The following CDC14A variants were observed in gnomAD, a reference collection of about 807,000 sequenced individuals.
CDC14A encodes the protein cell division cycle 14A.
Under a neutral mutation model 74.4 loss-of-function variants are expected in CDC14A, and 53 were observed. That is an observed-to-expected ratio of 0.71 (90% CI 0.57 to 0.89). CDC14A has a LOEUF of 0.89. Ranked by LOEUF, CDC14A falls within the 40% of genes least tolerant of loss-of-function variation. The probability of loss-of-function intolerance (pLI) is 0.00; values close to 1 mark genes in which losing one functional copy is unlikely to be tolerated. For synonymous variants in CDC14A, 247 were observed against 258.4 expected (o/e 0.96, Z 0.43); for missense variants, 646 against 713.7 (o/e 0.91, Z 1.08).
intron 5 of CDC14A, 60 bp downstream of exon 5, chr1:100,424,361 T>G (rs1662706838): frequency 1.8e-6 from 2 of 1,139,106 alleles, no homozygotes; most frequent in Non-Finnish European, 2.7e-6. Context: ...ACTTTAGAGT[T>G]GGGTTGTAGT....
At chr1:100,481,943 T>C (rs1247829997) in intron 10 of CDC14A, among the ~76,000 whole-genome samples, 4 of 152,242 alleles carry the variant, frequency 2.6e-5, no homozygotes, top group Non-Finnish European at 5.9e-5. Context: ...ATGGTTTGCA[T>C]TTTCAATAAA....
At chr1:100,468,848 C>G (rs1225687866) in intron 10 of CDC14A, among the ~76,000 whole-genome samples, 3 of 152,092 alleles carry the variant, frequency 2.0e-5, no homozygotes, top group Non-Finnish European at 4.4e-5. Context: ...AAAATACTAT[C>G]TATTAGTGAT....
At chr1:100,432,395 T>C (rs150605823) in intron 5 of CDC14A, among the ~76,000 whole-genome samples, 1 of 152,258 alleles carries the variant, frequency 6.6e-6, no homozygotes, top group East Asian at 1.9e-4. Context: ...GCAGCTGAAC[T>C]GTCCAGTATG....
chr1:100,393,948 C>T (rs934273527), intron 4 of CDC14A: 5 of 216,268 alleles, frequency 2.3e-5, no homozygotes, highest in Non-Finnish European at 4.4e-5. Context: ...TTCCCCCTCC[C>T]CACCGCAAAA....
chr1:100,347,879 C>T (rs1570919573), upstream of CDC14A, among the ~76,000 whole-genome samples: 1 of 152,126 alleles, frequency 6.6e-6, no homozygotes, highest in East Asian at 1.9e-4. Context: ...TCTAATGATA[C>T]ATTCTAATAA....
chr1:100,347,106 A>G (rs1264132178), intron 1 of CDC14A, among the ~76,000 whole-genome samples: 1 of 152,218 alleles, frequency 6.6e-6, no homozygotes, highest in Non-Finnish European at 1.5e-5. Flanking sequence ...TATTATTGAC[A>G]CTTTATGGCT....
intron 5 of CDC14A, among the ~76,000 whole-genome samples, chr1:100,427,404 A>G (rs1030457932): frequency 1.3e-5 from 2 of 152,198 alleles, no homozygotes; most frequent in East Asian, 3.8e-4. Context: ...TTTCTAATAA[A>G]AGAGTTTTAT....
chr1:100,449,758 A>G (rs1368256695), intron 7 of CDC14A, among the ~76,000 whole-genome samples: 1 of 152,218 alleles, frequency 6.6e-6, no homozygotes, highest in Non-Finnish European at 1.5e-5. Context: ...CAGTACACTC[A>G]TAGTGGGCAG....
chr1:100,373,596 A>C (rs1654785338), intron 2 of CDC14A, among the ~76,000 whole-genome samples: 2 of 152,168 alleles, frequency 1.3e-5, no homozygotes, highest in South Asian at 4.1e-4. Context: ...AGTGCAATAA[A>C]ATGAGATATG....
chr1:100,460,083 A>G (rs1246936627), intron 8 of CDC14A, among the ~76,000 whole-genome samples: 1 of 152,210 alleles, frequency 6.6e-6, no homozygotes, highest in African/African-American at 2.4e-5. Context: ...TGTACGGGCC[A>G]GCTTTTCCAG....
intron 2 of CDC14A, among the ~76,000 whole-genome samples, chr1:100,377,035 T>C (rs1241052960): frequency 2.1e-5 from 3 of 144,764 alleles, no homozygotes; most frequent in Admixed American, 6.6e-5. Flanking sequence ...CAATTAGTTC[T>C]GTTTTTTTTT....
Position 100,392,600 on chromosome 1 carries a change from A to G in CDC14A, c.309+1776A>G, listed in dbSNP as rs116830419. Among the ~76,000 whole-genome samples, 499 of 152,330 alleles carry G rather than the reference A, an allele frequency of 3.3e-3. 4 individuals carry two copies. Among genetic ancestry groups the G allele is most frequent in the African/African-American group, 0.011 (464 of 41,582 alleles). ...GATGATGGTAACGATGACTCTGTAT[A>G]GTCACTGTGTTTCTGAGGTCTTGTT... On this transcript the variant is annotated intron_variant, in intron 4 of 15. Coordinates refer to ENST00000336454, the MANE Select transcript of CDC14A (RefSeq NM_003672.4).
chr1:100,454,901 C>G (rs1314763766), intron 7 of CDC14A, among the ~76,000 whole-genome samples: 1 of 152,062 alleles, frequency 6.6e-6, no homozygotes, highest in East Asian at 1.9e-4. Context: ...ATCACTCGCT[C>G]CTGCCTTTTG....
intron 4 of CDC14A, among the ~76,000 whole-genome samples, chr1:100,392,474 G>A (rs1657861002): frequency 1.3e-5 from 2 of 150,910 alleles, no homozygotes; most frequent in South Asian, 4.2e-4. Flanking sequence ...TTTTTTGTGA[G>A]GACCAAATGA....
At chr1:100,420,718 G>T (rs916404776) in intron 4 of CDC14A, among the ~76,000 whole-genome samples, 5 of 152,134 alleles carry the variant, frequency 3.3e-5, no homozygotes, top group African/African-American at 1.2e-4. Context: ...GTACATGGTG[G>T]TACCTACGGC....
chr1:100,349,403 C>T (rs185053325), upstream of CDC14A, among the ~76,000 whole-genome samples: 121 of 152,248 alleles, frequency 7.9e-4, no homozygotes, highest in Middle Eastern at 3.4e-3. Context: ...AAATTTTCTT[C>T]CATTATCTTC....
At chr1:100,466,619 C>G (rs1667831637) in intron 9 of CDC14A, among the ~76,000 whole-genome samples, 1 of 152,092 alleles carries the variant, frequency 6.6e-6, no homozygotes, top group Non-Finnish European at 1.5e-5. Context: ...GCCTGTAATC[C>G]TAGCACTTTG....
rs928107758 is a variant in CDC14A, at chr1:100,352,791, T to C, written c.-164T>C. 329 of 1,429,948 alleles carry C rather than the reference T, an allele frequency of 2.3e-4. No homozygotes were observed. Among genetic ancestry groups the C allele is most frequent in the Non-Finnish European group, 2.8e-4 (306 of 1,098,964 alleles). 88.6% of individuals were successfully genotyped at this position (1,429,948 alleles called of 1,614,324 possible). A position where few individuals can be genotyped will look rare whatever the true frequency, so the allele number is the denominator to read the frequency against. On this transcript the variant is annotated 5_prime_UTR_variant, in exon 1 of 16. An upstream open reading frame in the 5' UTR loses its in-frame stop. Transcript: ENST00000336454. ...AATGTCCCCGGGGCGCCCGGCGCGC[T>C]GACCCCGAAGCCGCCTCCGCCTTCG...
intron 11 of CDC14A, among the ~76,000 whole-genome samples, chr1:100,487,979 A>G (rs1481929355): frequency 1.3e-5 from 2 of 152,198 alleles, no homozygotes; most frequent in Admixed American, 1.3e-4. Context: ...TATTATGTGA[A>G]TGGATGAAGA....
Sources: gnomAD v4.1 joint callset for allele counts (sites outside exome capture counted in the v4.1 genomes callset) on GRCh38, gnomAD v4.1.1 for gene constraint, MANE v1.5 for transcripts, NCBI Gene and HGNC (gene_info 2026-07-23, HGNC 2026-07-21) for gene names.